Variants in ACSS3 observed in about 807,000 individuals in gnomAD.
ACSS3 encodes the protein acyl-CoA synthetase short chain family member 3.
Under a neutral mutation model 84.2 loss-of-function variants are expected in ACSS3, and 64 were observed. The observed-to-expected ratio is 0.76, with a 90% CI of 0.62 to 0.94. The LOEUF (loss-of-function observed/expected upper bound fraction) is 0.94. Among genes scored for constraint, ACSS3 ranks in the 40% least tolerant of loss-of-function variants. The pLI is 0.00. For synonymous variants in ACSS3, 317 were observed against 310.1 expected (o/e 1.02, Z -0.23); for missense variants, 815 against 867.6 (o/e 0.94, Z 0.76).
intron 9 of ACSS3, among the ~76,000 whole-genome samples, chr12:81,215,577 T>C (rs1464275949): frequency 6.6e-6 from 1 of 152,236 alleles, no homozygotes; most frequent in Non-Finnish European, 1.5e-5. Context: ...CTGAGTACTT[T>C]AGAAGATGGA....
At chr12:81,197,139 T>C (rs7303238) in intron 8 of ACSS3, among the ~76,000 whole-genome samples, 98,450 of 151,850 alleles carry the variant, frequency 0.65, 32,598 homozygotes, top group Non-Finnish European at 0.73. Flanking sequence ...CTTTTTGACA[T>C]CCTTATAGAT....
intron 13 of ACSS3, among the ~76,000 whole-genome samples, chr12:81,245,312 A>G (rs2033948037): frequency 6.6e-6 from 1 of 152,096 alleles, no homozygotes; most frequent in Admixed American, 6.5e-5. Context: ...AATACAAAAA[A>G]TTAGCCAGGC....
At chr12:81,095,412 T>A (rs924439390) in intron 1 of ACSS3, among the ~76,000 whole-genome samples, 5 of 152,226 alleles carry the variant, frequency 3.3e-5, no homozygotes, top group African/African-American at 1.2e-4. Context: ...AACCTTAATA[T>A]TAATCTAATT....
Position 81,078,196 on chromosome 12 carries a change from C to T in ACSS3, c.76C>T (p.Pro26Ser), listed in dbSNP as rs1423395537. ...GLGGPLPGSSPARGAGAALRA... is the reference protein window; with the variant it reads ...GLGGPLPGSSSARGAGAALRA... ...CGGAGGGCCCTTGCCTGGGTCCTCTCCGGCCCGGGGAGCCGGTGCGGCCCT... is the reference window on the plus strand; with the variant it reads ...CGGAGGGCCCTTGCCTGGGTCCTCTTCGGCCCGGGGAGCCGGTGCGGCCCT... The change falls in exon 1 of 16, where the codon CCG (proline) becomes TCG (serine). Residue 26 changes from proline (P) to serine (S), a missense_variant. Pro to Ser is a moderately conservative substitution (Grantham distance 74, BLOSUM62 -1). Transcript: ENST00000548058. 2 of 1,557,588 alleles carry T rather than the reference C, an allele frequency of 1.3e-6. No homozygotes were observed. The highest frequency in any genetic ancestry group is 1.7e-6 in the Non-Finnish European group (2 of 1,155,426).
intron 2 of ACSS3, among the ~76,000 whole-genome samples, chr12:81,113,503 C>CT (rs1161678060): frequency 2.6e-5 from 4 of 152,030 alleles, no homozygotes; most frequent in African/African-American, 9.7e-5. Flanking sequence ...ATTTGTCTCT[C>CT]TTTTTTAGTG....
chr12:81,088,727 T>C lies in ACSS3; in HGVS notation c.311+10296T>C, dbSNP rs139432170. ...AATTTAGCATCTGTGCTCCTAAATA[T>C]ATTCTATTGCTTGTTGAAAATAGTC... is the stretch of plus-strand genomic sequence containing the variant. On this transcript the variant is annotated intron_variant, in intron 1 of 15. Transcript: ENST00000548058. 8.5e-5 allele frequency among the ~76,000 whole-genome samples: 13 copies of C among 152,170 alleles called. No individual in the cohort carries two copies. The East Asian group carries it at 2.3e-3, about 27-fold the overall frequency.
chr12:81,235,718 G>A (rs140583453), intron 13 of ACSS3, among the ~76,000 whole-genome samples: 84 of 151,444 alleles, frequency 5.5e-4, no homozygotes, highest in African/African-American at 2.0e-3. Context: ...TTATATTTAA[G>A]TATTTAATTT....
At chr12:81,121,980 C>G (rs1212263600) in intron 2 of ACSS3, among the ~76,000 whole-genome samples, 2 of 151,320 alleles carry the variant, frequency 1.3e-5, no homozygotes, top group Non-Finnish European at 2.9e-5. Context: ...GCTGCCCAGA[C>G]AGGAGTGCAG....
rs141313342 is a variant in ACSS3 at position 81,199,511 on chromosome 12, G to A, written c.1354+67G>A. 73 of 1,536,840 alleles carry A rather than the reference G, an allele frequency of 4.8e-5. No individual in the cohort carries two copies. In the African/African-American group the frequency reaches 8.1e-4, roughly 17 times the overall value. On this transcript the variant is annotated intron_variant, in intron 9 of 15. Coordinates refer to ENST00000548058, the MANE Select transcript of ACSS3 (RefSeq NM_024560.4). The stretch of plus-strand genomic sequence containing the variant: ...TTCCAAAAAGCTGCAAGGATTGGAG[G>A]AAACTTTTGAGCTACGACCAGCAGA...
chr12:81,115,939 A>C (rs1236169718), intron 2 of ACSS3, among the ~76,000 whole-genome samples: 1 of 152,134 alleles, frequency 6.6e-6, no homozygotes, highest in Non-Finnish European at 1.5e-5. Flanking sequence ...ATGCAACAGG[A>C]AGCACCAGTG....
chr12:81,098,237 C>G (rs1199034525), intron 1 of ACSS3, among the ~76,000 whole-genome samples: 1 of 151,634 alleles, frequency 6.6e-6, no homozygotes, highest in South Asian at 2.1e-4. Flanking sequence ...TGCCCTGTCC[C>G]CTGAGTTGCT....
At chr12:81,143,826 A>C (rs1466761082) in intron 5 of ACSS3, among the ~76,000 whole-genome samples, 1 of 152,194 alleles carries the variant, frequency 6.6e-6, no homozygotes, top group Non-Finnish European at 1.5e-5. Context: ...GTTTACCATG[A>C]AATGTGTTTT....
chr12:81,139,542 CAAT>C lies in ACSS3; in HGVS notation c.780+286_780+288del, dbSNP rs576447230. 7.8e-4 allele frequency among the ~76,000 whole-genome samples: 117 copies of C among 149,796 alleles called. 1 individual carries two copies. Among genetic ancestry groups the C allele is most frequent in the African/African-American group, 2.7e-3 (109 of 40,962 alleles). On this transcript the variant is annotated intron_variant, in intron 4 of 15. Transcript: ENST00000548058. ...TTTTTATTAGCTCAGATTATATTAG[CAAT>C]AATAATAACAAACACGAAGTGACTG...
rs530642818 is a variant in ACSS3 at position 81,160,708 on chromosome 12, C to T, written c.1098+8612C>T. Among the ~76,000 whole-genome samples, 5 of 151,880 alleles carry T rather than the reference C, an allele frequency of 3.3e-5. No homozygotes were observed. In the East Asian group the frequency reaches 9.7e-4, roughly 29 times the overall value. On this transcript the variant is annotated intron_variant, in intron 7 of 15. Coordinates refer to ENST00000548058, the MANE Select transcript of ACSS3 (RefSeq NM_024560.4). ...TATTTTTTAACTCTGGAATTTATTC[C>T]AATTTCTTTTCATAGTTAGGGAATG...
At chr12:81,086,817 A>C (rs1881346396) in intron 1 of ACSS3, among the ~76,000 whole-genome samples, 1 of 152,174 alleles carries the variant, frequency 6.6e-6, no homozygotes, top group South Asian at 2.1e-4. Flanking sequence ...TGACATTTGT[A>C]AGAAAAATGT....
chr12:81,156,419 T>C (rs915908905), intron 7 of ACSS3, among the ~76,000 whole-genome samples: 6 of 151,640 alleles, frequency 4.0e-5, no homozygotes, highest in African/African-American at 1.5e-4. Flanking sequence ...AGGAACAAAA[T>C]ATACCTAAAA....
chr12:81,182,117 A>G (rs1254060821), intron 8 of ACSS3, among the ~76,000 whole-genome samples: 2 of 152,214 alleles, frequency 1.3e-5, no homozygotes, highest in African/African-American at 2.4e-5. Context: ...CGTATTATCA[A>G]AAGTCATATA....
At chr12:81,087,793 A>G (rs17008014) in intron 1 of ACSS3, among the ~76,000 whole-genome samples, 10,004 of 152,024 alleles carry the variant, frequency 0.066, 826 homozygotes, top group African/African-American at 0.2. Flanking sequence ...TACAGATGAA[A>G]TTTGCCACTC....
rs776190282 is a variant in ACSS3, at chr12:81,216,908, A to G, written c.1362A>G (p.Gly454=). Reference sequence around the variant, plus strand: ...TAACATTTCTTTTTCCAGAGACTGGATCTCCAATTACTGCGTCATGTGTTG... The same window carrying G: ...TAACATTTCTTTTTCCAGAGACTGGGTCTCCAATTACTGCGTCATGTGTTG... ...VLDHWWQTET[G]SPITASCVGL... Residue 454 remains glycine, a synonymous_variant, in exon 10 of 16, where the codon GGA becomes GGG. Coordinates refer to ENST00000548058, the MANE Select transcript of ACSS3 (RefSeq NM_024560.4). 1 of 1,609,938 alleles carries G rather than the reference A, an allele frequency of 6.2e-7. No individual in the cohort carries two copies. The highest frequency in any genetic ancestry group is 1.3e-5 in the African/African-American group (1 of 74,790).
Sources: gnomAD v4.1 joint callset for allele counts (sites outside exome capture counted in the v4.1 genomes callset) on GRCh38, gnomAD v4.1.1 for gene constraint, MANE v1.5 for transcripts, NCBI Gene and HGNC (gene_info 2026-07-23, HGNC 2026-07-21) for gene names.